The following PHLPP1 variants were observed in gnomAD, a reference collection of about 807,000 sequenced individuals.
PHLPP1 encodes PH domain leucine-rich repeat-containing protein phosphatase 1.
Under a neutral mutation model 117.2 loss-of-function variants are expected in PHLPP1, and 42 were observed. That is an observed-to-expected ratio of 0.36 (90% confidence interval 0.28 to 0.46). The LOEUF is 0.46. Ranked by LOEUF, PHLPP1 falls within the 20% of genes least tolerant of loss-of-function variation. PHLPP1 has a pLI of 1.00. For missense variants in PHLPP1, 2,084 were observed against 2,241.9 expected, an observed-to-expected ratio of 0.93 and a Z score of 1.42; for synonymous variants, 1,042 against 970.7, an observed-to-expected ratio of 1.07 and a Z score of -1.37.
chr18:62,935,531 A>G (rs1909944068), intron 10 of PHLPP1, among the ~76,000 whole-genome samples: 1 of 152,242 alleles, frequency 6.6e-6, no homozygotes, highest in South Asian at 2.1e-4. Flanking sequence ...GCTACTGTTC[A>G]TATGGTTAAA....
chr18:62,756,741 CAGTG>C (rs1403747474), intron 1 of PHLPP1, among the ~76,000 whole-genome samples: 3 of 152,190 alleles, frequency 2.0e-5, no homozygotes, highest in Non-Finnish European at 4.4e-5. Context: ...TCCCACGTAT[CAGTG>C]GGAGGAATTG....
chr18:62,776,202 G>A (rs1420768413), intron 1 of PHLPP1, among the ~76,000 whole-genome samples: 2 of 152,206 alleles, frequency 1.3e-5, no homozygotes, highest in Non-Finnish European at 2.9e-5. Context: ...TGAGTTTGAA[G>A]TTTGTAGGGC....
intron 6 of PHLPP1, among the ~76,000 whole-genome samples, chr18:62,899,208 A>G (rs887200092): frequency 1.3e-4 from 20 of 152,206 alleles, no homozygotes; most frequent in African/African-American, 4.6e-4. Flanking sequence ...ACTTTAGAAA[A>G]TAGGTCTCCT....
At chr18:62,866,566 C>T (rs969867298) in intron 4 of PHLPP1, among the ~76,000 whole-genome samples, 3 of 152,046 alleles carry the variant, frequency 2.0e-5, no homozygotes, top group East Asian at 1.9e-4. Context: ...TATTTTAAAA[C>T]GCTGTATAGT....
chr18:62,737,054 A>G (rs1363001516), intron 1 of PHLPP1, among the ~76,000 whole-genome samples: 1 of 152,218 alleles, frequency 6.6e-6, no homozygotes, highest in Non-Finnish European at 1.5e-5. Flanking sequence ...ATAAATAATA[A>G]TAATAAAACT....
At chr18:62,785,150 T>C (rs1404516222) in intron 1 of PHLPP1, among the ~76,000 whole-genome samples, 1 of 152,200 alleles carries the variant, frequency 6.6e-6, no homozygotes, top group Non-Finnish European at 1.5e-5. Flanking sequence ...AGAGAATGCA[T>C]GTGATCACTC....
chr18:62,758,693 A>T (rs1219781872), intron 1 of PHLPP1, among the ~76,000 whole-genome samples: 2 of 152,194 alleles, frequency 1.3e-5, no homozygotes, highest in Non-Finnish European at 2.9e-5. Flanking sequence ...TCAGTTTATG[A>T]CTGCACTTGC....
intron 1 of PHLPP1, among the ~76,000 whole-genome samples, chr18:62,813,526 A>C (rs1044395992): frequency 6.6e-6 from 1 of 152,092 alleles, no homozygotes; most frequent in African/African-American, 2.4e-5. Context: ...CTCTGACCTG[A>C]TTTGCTTGCT....
intron 12 of PHLPP1, among the ~76,000 whole-genome samples, chr18:62,952,565 T>G (rs930445546): frequency 4.6e-5 from 7 of 152,206 alleles, no homozygotes; most frequent in Non-Finnish European, 7.3e-5. Context: ...AGGTCTTTCT[T>G]TGCAGCTCCC....
At chr18:62,940,549 A>G (rs1364228504) in intron 10 of PHLPP1, among the ~76,000 whole-genome samples, 1 of 151,678 alleles carries the variant, frequency 6.6e-6, no homozygotes, top group African/African-American at 2.4e-5. Flanking sequence ...TATGTTTAGT[A>G]GAAACAGGGT....
At chr18:62,955,548 C>CT (rs1225186371) in intron 12 of PHLPP1, among the ~76,000 whole-genome samples, 2 of 152,156 alleles carry the variant, frequency 1.3e-5, no homozygotes, top group Non-Finnish European at 2.9e-5. Context: ...ATCAGAGACT[C>CT]TGTCACAGGA....
chr18:62,813,585 A>G (rs1914185211), intron 1 of PHLPP1, among the ~76,000 whole-genome samples: 1 of 152,202 alleles, frequency 6.6e-6, no homozygotes, highest in African/African-American at 2.4e-5. Flanking sequence ...CACCAGGTCA[A>G]GTTGGTTAGT....
chr18:62,831,219 C>T (rs1319378014), intron 2 of PHLPP1, among the ~76,000 whole-genome samples: 2 of 152,070 alleles, frequency 1.3e-5, no homozygotes, highest in African/African-American at 2.4e-5. Flanking sequence ...AGGGTAGCAT[C>T]ACCATACTTA....
chr18:62,839,008 C>CTT, intron 3 of PHLPP1, 99 bp downstream of exon 3: 2 of 1,257,598 alleles, frequency 1.6e-6, no homozygotes, highest in Non-Finnish European at 2.2e-6. Context: ...GTTACACACA[C>CTT]TTTTTTTTTC....
At chr18:62,952,565 T>C (rs930445546) in intron 12 of PHLPP1, among the ~76,000 whole-genome samples, 2 of 152,206 alleles carry the variant, frequency 1.3e-5, no homozygotes, top group African/African-American at 2.4e-5. Context: ...AGGTCTTTCT[T>C]TGCAGCTCCC....
chr18:62,972,671 G>T lies in PHLPP1; in HGVS notation c.3718G>T (p.Glu1240Ter). The change falls in exon 15 of 17, where the codon GAA becomes TAA. Residue 1240 changes from glutamate (E) to a stop codon, truncating the protein, a stop_gained. Coordinates refer to ENST00000262719, the MANE Select transcript of PHLPP1 (RefSeq NM_194449.4). LOFTEE classifies it high-confidence loss of function. ...AEELQKTKNE[E>*]EYMVNTFIVM... is the part of the protein sequence containing the mutation. ...AGAGCTGCAAAAAACAAAAAACGAA[G>T]AAGAATACATGGTCAATACATTCAT... 1 of 1,613,780 alleles carries T rather than the reference G, an allele frequency of 6.2e-7. No individual in the cohort carries two copies. Among genetic ancestry groups the T allele is most frequent in the Non-Finnish European group, 8.5e-7 (1 of 1,179,690 alleles).
At chr18:62,722,603 CTG>C (rs1910955746) in intron 1 of PHLPP1, among the ~76,000 whole-genome samples, 1 of 152,222 alleles carries the variant, frequency 6.6e-6, no homozygotes, top group African/African-American at 2.4e-5. Context: ...CCTGACGTCA[CTG>C]TGATTCTACG....
intron 3 of PHLPP1, among the ~76,000 whole-genome samples, chr18:62,844,556 G>A (rs943208581): frequency 6.6e-6 from 1 of 152,122 alleles, no homozygotes; most frequent in Non-Finnish European, 1.5e-5. Context: ...TGGGCTATCG[G>A]TATGCTCCCT....
intron 4 of PHLPP1, among the ~76,000 whole-genome samples, chr18:62,869,280 A>G (rs1915843228): frequency 6.6e-6 from 1 of 152,284 alleles, no homozygotes; most frequent in African/African-American, 2.4e-5. Flanking sequence ...CTTCCAGGGA[A>G]TAAACTGTCC....
Sources: gnomAD v4.1 joint callset for allele counts (sites outside exome capture counted in the v4.1 genomes callset) on GRCh38, gnomAD v4.1.1 for gene constraint, MANE v1.5 for transcripts, NCBI Gene and HGNC (gene_info 2026-07-23, HGNC 2026-07-21) for gene names.